The following WFDC9 variants were observed in gnomAD, a reference collection of about 807,000 sequenced individuals.
WFDC9 encodes the protein WAP four-disulfide core domain 9, also known as protein WFDC9.
In WFDC9, 9 loss-of-function variants were observed where a neutral mutation model predicts 9.5. The ratio of observed to expected loss-of-function variants is 0.95; its 90% confidence interval spans 0.57 to 1.65. WFDC9 has a LOEUF of 1.65. Ranked by LOEUF, WFDC9 falls within the 40% of genes most tolerant of loss-of-function variation. WFDC9 has a pLI of 0.00. For synonymous variants in WFDC9, 33 were observed against 32.3 expected, an observed-to-expected ratio of 1.02 and a Z score of -0.07; for missense variants, 87 against 106.7, an observed-to-expected ratio of 0.82 and a Z score of 0.81.
At chr20:45,629,997 C>T in intron 1 of WFDC9, 2 of 1,511,624 alleles carry the variant, frequency 1.3e-6, no homozygotes, top group Middle Eastern at 2.4e-4. Context: ...GAGTTGGAAA[C>T]TCTCTGCATA....
intron 3 of WFDC9, among the ~76,000 whole-genome samples, chr20:45,609,267 G>A (rs1449529123): frequency 2.0e-5 from 3 of 150,314 alleles, no homozygotes; most frequent in Non-Finnish European, 3.0e-5. Context: ...GCAACGGCAT[G>A]ATCTCAGCTC....
intron 1 of WFDC9, among the ~76,000 whole-genome samples, chr20:45,624,870 T>C (rs942283379): frequency 1.3e-5 from 2 of 152,184 alleles, no homozygotes; most frequent in Non-Finnish European, 2.9e-5. Context: ...TATTTGTTGG[T>C]CATTTGTATG....
intron 1 of WFDC9, among the ~76,000 whole-genome samples, chr20:45,623,341 G>A (rs1410669277): frequency 6.6e-6 from 1 of 152,082 alleles, no homozygotes; most frequent in Non-Finnish European, 1.5e-5. Context: ...CTGTGGTGTA[G>A]GTTTTGGATG....
In WFDC9 at chr20:45,608,035, A is replaced by G; in HGVS notation, c.*75T>C. ...CCAGCTAGAGCCAGTGGGTGTCCCA[A>G]GAAGGAAGTAGGCAGCACTCTTCTT... On this transcript the variant is annotated 3_prime_UTR_variant, in exon 5 of 5. Coordinates refer to ENST00000326000, the MANE Select transcript of WFDC9 (RefSeq NM_147198.4). 1.3e-6 allele frequency: 2 copies of G among 1,554,430 alleles called. No individual in the cohort carries two copies. The highest frequency in any genetic ancestry group is 1.8e-6 in the Non-Finnish European group (2 of 1,129,228).
intron 1 of WFDC9, among the ~76,000 whole-genome samples, chr20:45,627,940 C>T (rs1982257735): frequency 6.6e-6 from 1 of 152,004 alleles, no homozygotes; most frequent in African/African-American, 2.4e-5. Context: ...AAATGTGTTC[C>T]TCTAGTTTTT....
intron 2 of WFDC9, among the ~76,000 whole-genome samples, chr20:45,614,424 T>G (rs1981929362): frequency 6.6e-6 from 1 of 152,186 alleles, no homozygotes; most frequent in African/African-American, 2.4e-5. Context: ...GGATTTAGTG[T>G]CAGGAATGCT....
intron 1 of WFDC9, among the ~76,000 whole-genome samples, chr20:45,621,428 G>A (rs1982097402): frequency 6.6e-6 from 1 of 152,104 alleles, no homozygotes; most frequent in Admixed American, 6.6e-5. Flanking sequence ...TGTTGACATG[G>A]CAGGCCTGCA....
rs149378702 is a variant in WFDC9, at chr20:45,617,619, C to T, written c.-152-2898G>A. Among the ~76,000 whole-genome samples, 585 of 152,254 alleles carry T rather than the reference C, an allele frequency of 3.8e-3. 5 individuals are homozygous for T. The highest frequency in any genetic ancestry group is 0.013 in the African/African-American group (552 of 41,544). ...AAGCGATCCTCCTTCCTCATCCTCC[C>T]GAGTAGCTAGGACTACAGACACACA... On this transcript the variant is annotated intron_variant, in intron 1 of 4. Transcript: ENST00000326000.
In WFDC9 at chr20:45,608,153, AG is replaced by A. The variant is rs755121789; in HGVS notation, c.240-14del. 3 of 1,608,944 alleles carry A rather than the reference AG, an allele frequency of 1.9e-6. No individual in the cohort carries two copies. Among genetic ancestry groups the A allele is most frequent in the Non-Finnish European group, 1.7e-6 (2 of 1,178,632 alleles). ...TTTAAGGGGCTCTCTAGAAGAGAAA[AG>A]TTAGTCAAAAGTCAAGAATCCTGGG... On this transcript the variant is annotated splice_polypyrimidine_tract_variant and intron_variant, in intron 4 of 4. Transcript: ENST00000326000.
intron 1 of WFDC9, among the ~76,000 whole-genome samples, chr20:45,622,570 T>C (rs1271183986): frequency 6.6e-6 from 1 of 152,202 alleles, no homozygotes; most frequent in African/African-American, 2.4e-5. Flanking sequence ...AAACTGAAAG[T>C]ACAGTAAAAA....
intron 1 of WFDC9, among the ~76,000 whole-genome samples, chr20:45,617,314 G>C (rs934297359): frequency 6.6e-6 from 1 of 152,150 alleles, no homozygotes; most frequent in Non-Finnish European, 1.5e-5. Flanking sequence ...AATTAGCCTG[G>C]CATGGTGGCA....
chr20:45,608,695 C>T lies in WFDC9; in HGVS notation c.207G>A (p.Trp69Ter), dbSNP rs1981782798. ...TCVRPNHTCCWTYCGNICLDN... is the reference protein window; with the variant it reads ...TCVRPNHTCC ...CTAAGCAGATGTTTCCACAGTAGGT[C>T]CAGCAGCATGTATGATTTGGACGTA... is the stretch of plus-strand genomic sequence containing the variant. The change falls in exon 4 of 5, where the codon TGG becomes TGA. Residue 69 changes from tryptophan (W) to a stop codon, truncating the protein, a stop_gained. Transcript: ENST00000326000. LOFTEE classifies it low-confidence loss of function (END_TRUNC). The T allele has an allele frequency of 3.1e-6, 5 of 1,613,810 alleles. No homozygotes were observed. Among genetic ancestry groups the T allele is most frequent in the Non-Finnish European group, 4.2e-6 (5 of 1,179,804 alleles).
chr20:45,624,154 C>T (rs1334531667), intron 1 of WFDC9, among the ~76,000 whole-genome samples: 6 of 151,938 alleles, frequency 3.9e-5, no homozygotes, highest in Non-Finnish European at 7.4e-5. Flanking sequence ...ATCGTCCCAC[C>T]GCACTCCAGC....
intron 1 of WFDC9, among the ~76,000 whole-genome samples, chr20:45,617,115 C>T (rs1981989096): frequency 6.6e-6 from 1 of 152,026 alleles, no homozygotes; most frequent in Non-Finnish European, 1.5e-5. Context: ...TACAGTTGAC[C>T]CTTGAACAAA....
chr20:45,608,677 G>T lies in WFDC9; in HGVS notation c.225C>A (p.Ile75=). The T allele has an allele frequency of 6.2e-7, 1 of 1,613,178 alleles. No individual in the cohort carries two copies. Among genetic ancestry groups the T allele is most frequent in the Non-Finnish European group, 8.5e-7 (1 of 1,179,472 alleles). ...AACCAACTCACTCGTTGTCTAAGCA[G>T]ATGTTTCCACAGTAGGTCCAGCAGC... is the stretch of plus-strand genomic sequence containing the variant. The part of the protein sequence containing the change: ...HTCCWTYCGN[I]CLDNEEPLKS... The change falls in exon 4 of 5, where the codon ATC becomes ATA. Residue 75 remains isoleucine, a synonymous_variant. Coordinates refer to ENST00000326000, the MANE Select transcript of WFDC9 (RefSeq NM_147198.4).
chr20:45,630,498 G>A (rs888262742), intron 1 of WFDC9, among the ~76,000 whole-genome samples: 2 of 152,168 alleles, frequency 1.3e-5, no homozygotes, highest in African/African-American at 4.8e-5. Flanking sequence ...ACTATTCAGA[G>A]ACTAGGAGAG....
At position 45,610,456 on chromosome 20, in the gene WFDC9, T is replaced by C. The variant is rs201531629; in HGVS notation, c.-58-217A>G. Among the ~76,000 whole-genome samples, 4 of 152,286 alleles carry C rather than the reference T, an allele frequency of 2.6e-5. No individual in the cohort carries two copies. In the East Asian group the frequency reaches 7.7e-4, roughly 29 times the overall value. ...ATTAAAATGAATTTCTCCTGTCTGA[T>C]TAAAAACAATAAATCCTCAGATTAT... On this transcript the variant is annotated intron_variant, in intron 2 of 4. Coordinates refer to ENST00000326000, the MANE Select transcript of WFDC9 (RefSeq NM_147198.4).
Position 45,610,254 on chromosome 20 carries a change from A to G in WFDC9, c.-58-15T>C. Reference sequence around the variant, plus strand: ...TTTTCCCAATACTGCTAGACGTAGAAAATGGATTGAGGAGAACAGGGTAAG... The same window carrying G: ...TTTTCCCAATACTGCTAGACGTAGAGAATGGATTGAGGAGAACAGGGTAAG... On this transcript the variant is annotated splice_polypyrimidine_tract_variant and intron_variant, in intron 2 of 4. Transcript: ENST00000326000. The G allele has an allele frequency of 7.5e-7, 1 of 1,337,694 alleles. No homozygotes were observed. The highest frequency in any genetic ancestry group is 1.1e-6 in the Non-Finnish European group (1 of 943,286). The allele number at this position is 1,337,694 out of a possible 1,614,324, so 82.9% of individuals were successfully genotyped here.
intron 3 of WFDC9, 39 bp downstream of exon 3, chr20:45,610,052 G>A (rs745600313): frequency 7.7e-6 from 12 of 1,563,898 alleles, no homozygotes; most frequent in African/African-American, 1.4e-5. Context: ...GACATCCCAG[G>A]ACTGGGCAGA....
Sources: gnomAD v4.1 joint callset for allele counts (sites outside exome capture counted in the v4.1 genomes callset) on GRCh38, gnomAD v4.1.1 for gene constraint, MANE v1.5 for transcripts, NCBI Gene and HGNC (gene_info 2026-07-23, HGNC 2026-07-21) for gene names.